The following MAST4 variants were observed in gnomAD, a reference collection of about 807,000 sequenced individuals.
The protein encoded by MAST4 is microtubule-associated serine/threonine-protein kinase 4.
In MAST4, 89 loss-of-function variants were observed where a neutral mutation model predicts 162.7. The observed-to-expected ratio is 0.55, with a 90% CI of 0.46 to 0.65. The LOEUF (loss-of-function observed/expected upper bound fraction) is 0.65, where lower values mean the gene tolerates loss of function less well. MAST4 is among the 30% of genes least tolerant of loss of function. The pLI, the probability that MAST4 is intolerant of heterozygous loss-of-function variation, is 0.00. For synonymous variants in MAST4, 1,479 were observed against 1,361.1 expected (o/e 1.09, Z -1.91); for missense variants, 3,153 against 3,374.0 (o/e 0.93, Z 1.62).
chr5:67,051,600 A>G (rs574859887), intron 4 of MAST4, among the ~76,000 whole-genome samples: 1 of 152,294 alleles, frequency 6.6e-6, no homozygotes, highest in South Asian at 2.1e-4. Flanking sequence ...AGAAGCAGGT[A>G]ATACTGAGAT....
In MAST4 at chr5:67,016,089, A is replaced by G. The variant is rs550346952; in HGVS notation, c.675-38315A>G. ...TCAATCTAGTGGGCTTTAGACAGTAATACAAAGAATTAGAGTAACATGCGG... is the reference window on the plus strand; with the variant it reads ...TCAATCTAGTGGGCTTTAGACAGTAGTACAAAGAATTAGAGTAACATGCGG... On this transcript the variant is annotated intron_variant, in intron 4 of 28. Transcript: ENST00000403625. 7.2e-5 allele frequency among the ~76,000 whole-genome samples: 11 copies of G among 152,324 alleles called. No homozygotes were observed. In the East Asian group the frequency reaches 1.7e-3, roughly 24 times the overall value.
intron 3 of MAST4, among the ~76,000 whole-genome samples, chr5:66,869,230 A>T (rs1436433032): frequency 6.6e-6 from 1 of 152,226 alleles, no homozygotes; most frequent in Non-Finnish European, 1.5e-5. Context: ...CCTTCTGATA[A>T]ACCATTAAGT....
At chr5:67,078,936 A>ATATATATATG (rs1762254673) in intron 5 of MAST4, among the ~76,000 whole-genome samples, 1 of 101,356 alleles carries the variant, frequency 9.9e-6, no homozygotes, top group East Asian at 2.3e-4. Context: ...ATATATATAT[A>ATATATATATG]TATATATATA....
chr5:67,127,990 C>T (rs1230299079), intron 14 of MAST4, among the ~76,000 whole-genome samples: 1 of 152,034 alleles, frequency 6.6e-6, no homozygotes, highest in Non-Finnish European at 1.5e-5. Flanking sequence ...CCAATTTTAG[C>T]GTCTTTAATG....
intron 1 of MAST4, among the ~76,000 whole-genome samples, chr5:66,622,350 A>G (rs1744129636): frequency 6.6e-6 from 1 of 151,678 alleles, no homozygotes; most frequent in Non-Finnish European, 1.5e-5. Flanking sequence ...AGAGAGTTGT[A>G]GGAGATGAGA....
At chr5:66,973,545 A>T (rs1747730766) in intron 4 of MAST4, among the ~76,000 whole-genome samples, 1 of 152,220 alleles carries the variant, frequency 6.6e-6, no homozygotes, top group Admixed American at 6.5e-5. Flanking sequence ...GAAGTCCAAA[A>T]GCTGGTGTCT....
chr5:66,723,235 C>T (rs1751323654), intron 1 of MAST4, among the ~76,000 whole-genome samples: 1 of 152,124 alleles, frequency 6.6e-6, no homozygotes, highest in African/African-American at 2.4e-5. Context: ...AGCCCTTGTC[C>T]AGAATGTTAG....
chr5:67,087,231 T>C (rs1763336546), intron 5 of MAST4, among the ~76,000 whole-genome samples: 1 of 152,180 alleles, frequency 6.6e-6, no homozygotes, highest in African/African-American at 2.4e-5. Flanking sequence ...CATCAGTCAC[T>C]TTTTTAGCCT....
intron 4 of MAST4, among the ~76,000 whole-genome samples, chr5:66,961,804 CAG>C (rs1406185234): frequency 6.6e-6 from 1 of 152,214 alleles, no homozygotes; most frequent in South Asian, 2.1e-4. Context: ...ATGGACATAT[CAG>C]GGGACATTCC....
chr5:67,031,535 A>T (rs951406236), intron 4 of MAST4, among the ~76,000 whole-genome samples: 2 of 152,144 alleles, frequency 1.3e-5, no homozygotes, highest in African/African-American at 4.8e-5. Context: ...ATGATTTGCA[A>T]AATTTTTCCC....
At chr5:66,689,338 C>T (rs11953193) in intron 1 of MAST4, among the ~76,000 whole-genome samples, 1 of 151,946 alleles carries the variant, frequency 6.6e-6, no homozygotes. Context: ...TCCCCTAATC[C>T]GAGTTTCTTC....
At chr5:67,032,653 T>A (rs1260084640) in intron 4 of MAST4, among the ~76,000 whole-genome samples, 1 of 152,176 alleles carries the variant, frequency 6.6e-6, no homozygotes, top group Non-Finnish European at 1.5e-5. Context: ...CAGCATAGTC[T>A]GGTCTGTCTG....
chr5:66,922,130 T>C (rs1764580567), intron 4 of MAST4, among the ~76,000 whole-genome samples: 1 of 152,208 alleles, frequency 6.6e-6, no homozygotes, highest in Admixed American at 6.5e-5. Flanking sequence ...AGTGGGAAAG[T>C]GTAGCATCCT....
intron 4 of MAST4, among the ~76,000 whole-genome samples, chr5:66,972,083 A>G (rs1306837827): frequency 6.6e-6 from 1 of 152,200 alleles, no homozygotes. Context: ...TAACTAGGCA[A>G]TGTATGTGAA....
chr5:67,143,542 G>A (rs939965945), intron 21 of MAST4, among the ~76,000 whole-genome samples: 3 of 152,156 alleles, frequency 2.0e-5, no homozygotes, highest in African/African-American at 4.8e-5. Flanking sequence ...TATATTTTCT[G>A]TTGCCATGGC....
At chr5:66,705,894 T>C (rs555742974) in intron 1 of MAST4, among the ~76,000 whole-genome samples, 1 of 152,330 alleles carries the variant, frequency 6.6e-6, no homozygotes, top group African/African-American at 2.4e-5. Context: ...TTAATACTTC[T>C]TGGAGGTAGG....
intron 3 of MAST4, among the ~76,000 whole-genome samples, chr5:66,807,549 C>A (rs1462757931): frequency 5.3e-5 from 8 of 152,106 alleles, no homozygotes; most frequent in Admixed American, 5.2e-4. Context: ...ACTGTAGTCA[C>A]CCTGTTGTGC....
At chr5:66,887,180 C>T (rs1028955753) in intron 3 of MAST4, among the ~76,000 whole-genome samples, 89 of 152,330 alleles carry the variant, frequency 5.8e-4, no homozygotes, top group African/African-American at 2.0e-3. Context: ...GTCACTAACA[C>T]ACACTGTGCA....
intron 4 of MAST4, among the ~76,000 whole-genome samples, chr5:66,907,233 CAGAT>C (rs1763430887): frequency 6.9e-6 from 1 of 145,478 alleles, no homozygotes; most frequent in Admixed American, 6.9e-5. Context: ...TCCCACTTCA[CAGAT>C]AGAATCCCAG....
Sources: allele counts gnomAD v4.1 joint callset (sites outside exome capture counted in the v4.1 genomes callset), GRCh38; gene constraint gnomAD v4.1.1; transcripts MANE v1.5; gene names NCBI Gene and HGNC (gene_info 2026-07-23, HGNC 2026-07-21).